The following OSTN variants were observed in gnomAD, a reference collection of about 807,000 sequenced individuals.
OSTN encodes the protein osteocrin.
In OSTN, 9 loss-of-function variants were observed where a neutral mutation model predicts 12.0. The observed-to-expected ratio is 0.75, with a 90% CI of 0.45 to 1.30. The LOEUF (loss-of-function observed/expected upper bound fraction) is 1.30, where lower values mean the gene tolerates loss of function less well. Among genes scored for constraint, OSTN ranks in the 50% most tolerant of loss-of-function variants. The probability of loss-of-function intolerance (pLI) is 0.00; values close to 1 mark genes in which losing one functional copy is unlikely to be tolerated. For synonymous variants in OSTN, 59 were observed against 56.9 expected (o/e 1.04, Z -0.16); for missense variants, 148 against 152.3 (o/e 0.97, Z 0.15).
At position 191,263,669 on chromosome 3, in the gene OSTN, A is replaced by C. The variant is rs551633888; in HGVS notation, c.*816A>C. The C allele has an allele frequency of 6.6e-6, 1 of 152,264 alleles. No homozygotes were observed. The highest frequency in any genetic ancestry group is 2.1e-4 in the South Asian group (1 of 4,826). The allele number at this position is 152,264 out of a possible 1,614,324, so 9.4% of individuals were successfully genotyped here. On this transcript the variant is annotated 3_prime_UTR_variant, in exon 5 of 5. Transcript: ENST00000682035. ...GCTCAGTACACTTCAGCATAGTACA[A>C]TGTGATCTTTTTGATATCTTGGATT... is the stretch of plus-strand genomic sequence containing the variant.
rs1327655644 is a variant in OSTN, at chr3:191,205,731, AAT to A, written c.-1+6427_-1+6428del. Reference sequence around the variant, plus strand: ...ACATTTCTATCTGATAACCAAGTTAAATATCATACAAGTCTTTCTTTCTCTCA... The same window carrying A: ...ACATTTCTATCTGATAACCAAGTTAAATCATACAAGTCTTTCTTTCTCTCA... On this transcript the variant is annotated intron_variant, in intron 1 of 4. Coordinates refer to ENST00000682035, the MANE Select transcript of OSTN (RefSeq NM_198184.2). 3.3e-5 allele frequency among the ~76,000 whole-genome samples: 5 copies of A among 152,250 alleles called. No homozygotes were observed. The South Asian group carries it at 1.0e-3, about 32-fold the overall frequency.
chr3:191,258,440 A>T (rs1352958044), intron 4 of OSTN, among the ~76,000 whole-genome samples: 1 of 152,120 alleles, frequency 6.6e-6, no homozygotes, highest in Non-Finnish European at 1.5e-5. Context: ...GAGTTGAACA[A>T]TGAGAACACA....
chr3:191,246,604 CAA>C (rs34157872), intron 3 of OSTN, among the ~76,000 whole-genome samples: 17 of 106,832 alleles, frequency 1.6e-4, no homozygotes, highest in Admixed American at 2.0e-4. Context: ...GACCCTGTAT[CAA>C]AAAAAAAAAA....
chr3:191,256,627 C>CTT (rs200599634), intron 4 of OSTN, among the ~76,000 whole-genome samples: 23 of 141,894 alleles, frequency 1.6e-4, no homozygotes, highest in African/African-American at 4.3e-4. Flanking sequence ...CTCTCTCCTC[C>CTT]TTTTTTTTTT....
At chr3:191,200,860 T>C (rs916799059) in intron 1 of OSTN, among the ~76,000 whole-genome samples, 6 of 152,292 alleles carry the variant, frequency 3.9e-5, no homozygotes, top group Admixed American at 2.0e-4. Context: ...ATTCAATAGT[T>C]CAGTCAGAGA....
At chr3:191,238,171 A>G (rs1221444351) in intron 3 of OSTN, among the ~76,000 whole-genome samples, 3 of 152,202 alleles carry the variant, frequency 2.0e-5, no homozygotes, top group Non-Finnish European at 4.4e-5. Context: ...AACACAAAAA[A>G]GGGATACAGT....
At chr3:191,261,932 A>G (rs1406386545) in intron 4 of OSTN, among the ~76,000 whole-genome samples, 4 of 152,158 alleles carry the variant, frequency 2.6e-5, no homozygotes, top group Non-Finnish European at 5.9e-5. Flanking sequence ...AAATGTGACT[A>G]TTGGCCGGGT....
Position 191,264,643 on chromosome 3 carries a change from T to C in OSTN, c.*1790T>C, listed in dbSNP as rs1167279073. On this transcript the variant is annotated 3_prime_UTR_variant, in exon 5 of 5. Coordinates refer to ENST00000682035, the MANE Select transcript of OSTN (RefSeq NM_198184.2). The stretch of plus-strand genomic sequence containing the variant: ...AAGAATTATTTAAGAAGTTGTGATA[T>C]CCTTGTCTGCCTTTCCCCAACCTTG... 2 of 152,132 alleles carry C rather than the reference T, an allele frequency of 1.3e-5. No individual in the cohort carries two copies. The highest frequency in any genetic ancestry group is 1.3e-4 in the Admixed American group (2 of 15,282). The allele number at this position is 152,132 out of a possible 1,614,324, so 9.4% of individuals were successfully genotyped here. A position where few individuals can be genotyped will look rare whatever the true frequency, so the allele number is the denominator to read the frequency against.
At chr3:191,241,431 G>T (rs1412190906) in intron 3 of OSTN, among the ~76,000 whole-genome samples, 1 of 151,682 alleles carries the variant, frequency 6.6e-6, no homozygotes, top group South Asian at 2.1e-4. Context: ...TGATCCACCC[G>T]CCTCGGCCTC....
chr3:191,249,626 A>G (rs987069046), intron 3 of OSTN, among the ~76,000 whole-genome samples: 7 of 152,174 alleles, frequency 4.6e-5, no homozygotes, highest in African/African-American at 1.4e-4. Context: ...TCTTTAGATG[A>G]GCCATTCTGA....
intron 3 of OSTN, among the ~76,000 whole-genome samples, chr3:191,232,601 C>CTTTTTTTTTTTTTTTTTT: frequency 7.4e-6 from 1 of 134,290 alleles, no homozygotes; most frequent in Non-Finnish European, 1.6e-5. Flanking sequence ...GTGACTAAAT[C>CTTTTTTTTTTTTTTTTTT]ATTTTTTTTT....
chr3:191,210,307 C>T (rs553512984), intron 1 of OSTN, among the ~76,000 whole-genome samples: 42 of 152,328 alleles, frequency 2.8e-4, no homozygotes, highest in Admixed American at 4.6e-4. Context: ...CACGGCAGTG[C>T]GTTAGCAGTG....
At chr3:191,217,271 C>T (rs182258567) in intron 2 of OSTN, 1 of 152,322 alleles carries the variant, frequency 6.6e-6, no homozygotes, top group Admixed American at 6.5e-5. Context: ...ATTCAGTTAC[C>T]TCCACCTGAT....
At chr3:191,223,590 C>T (rs1714824847) in intron 3 of OSTN, among the ~76,000 whole-genome samples, 1 of 151,998 alleles carries the variant, frequency 6.6e-6, no homozygotes, top group Admixed American at 6.5e-5. Context: ...CAAATAGATG[C>T]TTGGGGACTG....
intron 3 of OSTN, among the ~76,000 whole-genome samples, chr3:191,220,248 A>G (rs1714728098): frequency 6.6e-6 from 1 of 152,162 alleles, no homozygotes; most frequent in Non-Finnish European, 1.5e-5. Context: ...TCAAAGCTAC[A>G]CTAGAAAATA....
chr3:191,212,176 T>C (rs948654573), intron 1 of OSTN, among the ~76,000 whole-genome samples: 1 of 152,228 alleles, frequency 6.6e-6, no homozygotes, highest in Non-Finnish European at 1.5e-5. Flanking sequence ...GCCTTACCAC[T>C]GTTACAAATT....
intron 3 of OSTN, chr3:191,229,854 C>G (rs1322486891): frequency 1.3e-5 from 2 of 152,084 alleles, no homozygotes; most frequent in Admixed American, 1.3e-4. Context: ...CGCTTGAGGT[C>G]AGGAGTTCGA....
At position 191,265,442 on chromosome 3, in the gene OSTN, G is replaced by A. The variant is rs908601301; in HGVS notation, c.*2589G>A. ...AAGTTGTACCTTTAACCTGTTCATA[G>A]CTTTAGGGAATTAAGTTTCTTAAAC... On this transcript the variant is annotated 3_prime_UTR_variant, in exon 5 of 5. Transcript: ENST00000682035. The A allele has an allele frequency of 6.6e-6, 1 of 152,148 alleles. No homozygotes were observed. Among genetic ancestry groups the A allele is most frequent in the African/African-American group, 2.4e-5 (1 of 41,434 alleles). 9.4% of individuals were successfully genotyped at this position (152,148 alleles called of 1,614,324 possible).
intron 4 of OSTN, among the ~76,000 whole-genome samples, chr3:191,262,195 G>C (rs1295204968): frequency 1.3e-5 from 2 of 152,162 alleles, no homozygotes; most frequent in African/African-American, 2.4e-5. Context: ...ACTCCAGCCT[G>C]GGCAAACTCC....
Sources: gnomAD v4.1 joint callset for allele counts (sites outside exome capture counted in the v4.1 genomes callset) on GRCh38, gnomAD v4.1.1 for gene constraint, MANE v1.5 for transcripts, NCBI Gene and HGNC (gene_info 2026-07-23, HGNC 2026-07-21) for gene names.